KAT6B: variants seen among roughly 807,000 people sequenced by gnomAD.
The protein encoded by KAT6B is lysine acetyltransferase 6B.
In KAT6B, 10 loss-of-function variants were observed where a neutral mutation model predicts 187.5. The ratio of observed to expected loss-of-function variants is 0.05; its 90% confidence interval spans 0.03 to 0.09. The LOEUF is 0.09. KAT6B is among the 10% of genes least tolerant of loss of function. The pLI is 1.00. For missense variants in KAT6B, 1,952 were observed against 2,558.9 expected (o/e 0.76, Z 5.12); for synonymous variants, 861 against 926.8 (o/e 0.93, Z 1.29).
intron 6 of KAT6B, among the ~76,000 whole-genome samples, chr10:74,970,791 C>T (rs1363590687): frequency 2.0e-5 from 3 of 152,174 alleles, no homozygotes; most frequent in African/African-American, 7.2e-5. Flanking sequence ...CCTTCTCTGC[C>T]TTCACATACC....
At chr10:74,997,586 G>GA (rs919076296) in intron 13 of KAT6B, among the ~76,000 whole-genome samples, 8 of 150,738 alleles carry the variant, frequency 5.3e-5, no homozygotes, top group Admixed American at 3.3e-4. Context: ...ATTCAAATAT[G>GA]AAAAAAAAAT....
chr10:74,909,603 C>T (rs61196762), intron 3 of KAT6B, among the ~76,000 whole-genome samples: 15,493 of 152,162 alleles, frequency 0.1, 1,098 homozygotes, highest in South Asian at 0.28. Flanking sequence ...CACAGCTGTG[C>T]GCTGGTTTCC....
chr10:74,904,401 A>G (rs1846610257), intron 3 of KAT6B, among the ~76,000 whole-genome samples: 1 of 152,214 alleles, frequency 6.6e-6, no homozygotes, highest in African/African-American at 2.4e-5. Flanking sequence ...CTCTTCTCCC[A>G]GAGGCTGCCC....
chr10:74,891,266 G>A (rs1845627256), intron 3 of KAT6B, among the ~76,000 whole-genome samples: 1 of 152,224 alleles, frequency 6.6e-6, no homozygotes, highest in South Asian at 2.1e-4. Flanking sequence ...GGCTGCCTTT[G>A]GCAGGAAGCC....
intron 3 of KAT6B, among the ~76,000 whole-genome samples, chr10:74,849,362 C>T (rs1055420722): frequency 6.6e-6 from 1 of 151,480 alleles, no homozygotes; most frequent in Admixed American, 6.6e-5. Context: ...GGTGCCATCT[C>T]AGCTCACTGC....
Position 75,029,659 on chromosome 10 carries a change from G to A in KAT6B, c.4835G>A (p.Arg1612His), listed in dbSNP as rs72803461. 6,630 of 1,614,116 alleles carry A rather than the reference G, an allele frequency of 4.1e-3. 25 individuals carry two copies. Among genetic ancestry groups the A allele is most frequent in the Non-Finnish European group, 5.3e-3 (6,244 of 1,180,014 alleles). The change falls in exon 18 of 18, where the codon CGT (arginine) becomes CAT (histidine). Residue 1612 changes from arginine (R) to histidine (H), a missense_variant. Physicochemically the swap from Arg to His is conservative, Grantham distance 29. Coordinates refer to ENST00000287239, the MANE Select transcript of KAT6B (RefSeq NM_012330.4). The surrounding 1 kb of genome is among the most constrained non-coding windows in gnomAD (Gnocchi z 6.2). The stretch of plus-strand genomic sequence containing the variant: ...CACTCCCATCCTGGCCAGTCCGTAC[G>A]TTCTGTCAACAGCCCAAGTGTCCCT... ...SVHSHPGQSVRSVNSPSVPAL... is the reference protein window; with the variant it reads ...SVHSHPGQSVHSVNSPSVPAL...
chr10:74,837,305 TTAAAAA>T lies in KAT6B; in HGVS notation c.-328-1372_-328-1367del, dbSNP rs1277230440. ...CATATAATTTACTGATATTTTGTAG[TTAAAAA>T]TAAAATGATTCACAACCTTAGAAAA... is the stretch of plus-strand genomic sequence containing the variant. On this transcript the variant is annotated intron_variant, in intron 1 of 17. Transcript: ENST00000287239. Among the ~76,000 whole-genome samples the T allele has an allele frequency of 4.6e-5, 7 of 152,344 alleles. No homozygotes were observed. The East Asian group carries it at 5.8e-4, about 13-fold the overall frequency.
intron 4 of KAT6B, 146 bp downstream of exon 4, chr10:74,960,224 GA>G: frequency 1.4e-6 from 1 of 700,058 alleles, no homozygotes; most frequent in Admixed American, 2.3e-5. Context: ...AAAAAGTAAG[GA>G]ATAGAGAAAA....
At chr10:74,865,934 G>T (rs1843521878) in intron 3 of KAT6B, among the ~76,000 whole-genome samples, 1 of 152,110 alleles carries the variant, frequency 6.6e-6, no homozygotes, top group African/African-American at 2.4e-5. Flanking sequence ...TTTGTGCTGC[G>T]CTGGTCAACT....
chr10:74,970,424 C>CT (rs1841775252), intron 6 of KAT6B, among the ~76,000 whole-genome samples: 1 of 152,070 alleles, frequency 6.6e-6, no homozygotes, highest in Non-Finnish European at 1.5e-5. Context: ...GTTTAGAACA[C>CT]TTTCCATATT....
intron 3 of KAT6B, among the ~76,000 whole-genome samples, chr10:74,937,648 G>A (rs1162232623): frequency 6.6e-6 from 1 of 152,160 alleles, no homozygotes; most frequent in Admixed American, 6.5e-5. Flanking sequence ...TGGTTCTAAA[G>A]CCTGACTACC....
intron 3 of KAT6B, among the ~76,000 whole-genome samples, chr10:74,935,274 C>A (rs1849173091): frequency 1.4e-4 from 1 of 7,128 alleles, no homozygotes; most frequent in African/African-American, 1.4e-3. Flanking sequence ...CATTTACATA[C>A]ACACACATAT....
intron 1 of KAT6B, among the ~76,000 whole-genome samples, chr10:74,832,771 A>T (rs1182440704): frequency 6.6e-6 from 1 of 150,950 alleles, no homozygotes; most frequent in African/African-American, 2.4e-5. Context: ...AAGTGCTGGG[A>T]TTATAGGCAT....
At chr10:75,001,262 C>T (rs971629708) in intron 13 of KAT6B, among the ~76,000 whole-genome samples, 1 of 152,138 alleles carries the variant, frequency 6.6e-6, no homozygotes. Flanking sequence ...CAACCACCCA[C>T]GTCCGTAGAG....
At chr10:74,832,379 C>A (rs1448518603) in intron 1 of KAT6B, among the ~76,000 whole-genome samples, 1 of 152,122 alleles carries the variant, frequency 6.6e-6, no homozygotes, top group Non-Finnish European at 1.5e-5. Context: ...AATCCCACTA[C>A]TTTGGGAGGC....
intron 13 of KAT6B, among the ~76,000 whole-genome samples, chr10:74,994,355 C>T (rs1384691046): frequency 6.6e-6 from 1 of 152,158 alleles, no homozygotes; most frequent in African/African-American, 2.4e-5. Flanking sequence ...CACATGCTTC[C>T]ATCCTGTGGA....
At chr10:74,882,676 TTAGA>T (rs1463512892) in intron 3 of KAT6B, among the ~76,000 whole-genome samples, 1 of 152,250 alleles carries the variant, frequency 6.6e-6, no homozygotes, top group East Asian at 1.9e-4. Flanking sequence ...CTGGATTCTG[TTAGA>T]TAAACATTTT....
In KAT6B at chr10:74,861,079, G is replaced by A. The variant is rs184921238; in HGVS notation, c.621+17601G>A. Among the ~76,000 whole-genome samples, 409 of 152,200 alleles carry A rather than the reference G, an allele frequency of 2.7e-3. 2 individuals are homozygous for A. The highest frequency in any genetic ancestry group is 9.5e-3 in the African/African-American group (393 of 41,522). On this transcript the variant is annotated intron_variant, in intron 3 of 17. Transcript: ENST00000287239. ...TTGAACCCGGGAGGTGGAGGTTGCG[G>A]GAGCTGAGATCGTGCCATTGCACTC...
intron 3 of KAT6B, among the ~76,000 whole-genome samples, chr10:74,941,362 C>T (rs1849658181): frequency 6.6e-6 from 1 of 152,086 alleles, no homozygotes; most frequent in Admixed American, 6.5e-5. Flanking sequence ...CATTTTCTGC[C>T]AATAACATTA....
Sources: allele counts gnomAD v4.1 joint callset (sites outside exome capture counted in the v4.1 genomes callset), GRCh38; gene constraint gnomAD v4.1.1; non-coding constraint Gnocchi (gnomAD v3.1); transcripts MANE v1.5; gene names NCBI Gene and HGNC (gene_info 2026-07-23, HGNC 2026-07-21).